The following GRM5 variants were observed in gnomAD, a reference collection of about 807,000 sequenced individuals.
GRM5 encodes the protein metabotropic glutamate receptor 5.
In GRM5, 19 loss-of-function variants were observed where a neutral mutation model predicts 83.1. The ratio of observed to expected loss-of-function variants is 0.23; its 90% confidence interval spans 0.16 to 0.34. The LOEUF (loss-of-function observed/expected upper bound fraction) is 0.34. GRM5 is among the 10% of genes least tolerant of loss of function. The probability of loss-of-function intolerance (pLI) is 1.00; values close to 1 mark genes in which losing one functional copy is unlikely to be tolerated. For synonymous variants in GRM5, 675 were observed against 633.6 expected, an observed-to-expected ratio of 1.07 and a Z score of -0.98; for missense variants, 1,160 against 1,588.3, an observed-to-expected ratio of 0.73 and a Z score of 4.58.
intron 2 of GRM5, among the ~76,000 whole-genome samples, chr11:88,934,309 A>T (rs1167857856): frequency 6.6e-6 from 1 of 151,834 alleles, no homozygotes; most frequent in Non-Finnish European, 1.5e-5. Context: ...TAACCTAACA[A>T]GGTTAATAAC....
intron 3 of GRM5, among the ~76,000 whole-genome samples, chr11:88,762,325 C>G (rs542334269): frequency 2.4e-4 from 36 of 152,028 alleles, no homozygotes; most frequent in African/African-American, 8.7e-4. Flanking sequence ...CTATAAGGAA[C>G]TTAAATCTAC....
chr11:88,815,011 C>G (rs1485614910), intron 3 of GRM5, among the ~76,000 whole-genome samples: 1 of 152,150 alleles, frequency 6.6e-6, no homozygotes, highest in East Asian at 1.9e-4. Context: ...CTCTCAATAA[C>G]TTGACAAAAC....
At chr11:88,765,835 G>T (rs2135443765) in intron 3 of GRM5, among the ~76,000 whole-genome samples, 1 of 151,860 alleles carries the variant, frequency 6.6e-6, no homozygotes, top group Non-Finnish European at 1.5e-5. Context: ...ACAAAAAATA[G>T]ACAAATTTGA....
chr11:88,923,616 A>C (rs1196189850), intron 2 of GRM5, among the ~76,000 whole-genome samples: 2 of 152,074 alleles, frequency 1.3e-5, no homozygotes, highest in African/African-American at 4.8e-5. Context: ...AGATAGAATG[A>C]ATAATATCTA....
At chr11:88,884,140 T>C (rs1387719487) in intron 2 of GRM5, among the ~76,000 whole-genome samples, 2 of 152,086 alleles carry the variant, frequency 1.3e-5, no homozygotes, top group Non-Finnish European at 2.9e-5. Flanking sequence ...AAGCCACAGA[T>C]ACTCAATGCC....
chr11:88,729,654 C>A (rs1286090464), intron 3 of GRM5, among the ~76,000 whole-genome samples: 1 of 152,146 alleles, frequency 6.6e-6, no homozygotes, highest in African/African-American at 2.4e-5. Flanking sequence ...AACCAAAACG[C>A]ATGGTACTGG....
chr11:88,598,668 A>T (rs1937888968), intron 5 of GRM5, among the ~76,000 whole-genome samples: 1 of 152,172 alleles, frequency 6.6e-6, no homozygotes. Context: ...AGGTAAAAAG[A>T]ACTCACGTAT....
intron 2 of GRM5, among the ~76,000 whole-genome samples, chr11:88,896,198 C>A (rs1313664404): frequency 6.6e-6 from 1 of 151,786 alleles, no homozygotes; most frequent in Admixed American, 6.6e-5. Flanking sequence ...AGGCTCAAAT[C>A]TAAGTTTGCC....
intron 1 of GRM5, among the ~76,000 whole-genome samples, chr11:89,052,280 G>A (rs985783277): frequency 4.6e-5 from 7 of 152,070 alleles, no homozygotes; most frequent in African/African-American, 7.2e-5. Flanking sequence ...GCATGAAATC[G>A]CCTGGAGAGG....
chr11:89,012,387 C>A (rs12420474), intron 2 of GRM5, among the ~76,000 whole-genome samples: 50 of 152,246 alleles, frequency 3.3e-4, no homozygotes, highest in African/African-American at 1.2e-3. Flanking sequence ...AGCATCCTGG[C>A]CTAATCCAGC....
chr11:88,731,699 C>A (rs753625346), intron 3 of GRM5, among the ~76,000 whole-genome samples: 33 of 151,828 alleles, frequency 2.2e-4, no homozygotes, highest in Non-Finnish European at 1.5e-5. Context: ...AGCCACCTGA[C>A]CTATATTTAC....
At chr11:88,994,269 A>G (rs1478852038) in intron 2 of GRM5, among the ~76,000 whole-genome samples, 3 of 151,580 alleles carry the variant, frequency 2.0e-5, no homozygotes, top group Admixed American at 6.6e-5. Flanking sequence ...GAGTTCATGG[A>G]TTAGAAGAAT....
rs1366405192 is a variant in GRM5, at chr11:88,647,193, C to G, written c.1147+5975G>C. 1.6e-4 allele frequency among the ~76,000 whole-genome samples: 24 copies of G among 152,070 alleles called. 1 individual carries two copies. Among genetic ancestry groups the G allele is most frequent in the Admixed American group, 1.6e-3 (24 of 15,232 alleles). On this transcript the variant is annotated intron_variant, in intron 4 of 9. Transcript: ENST00000305447. ...ACATCTATCATACCGAATTAGGGGC[C>G]TACCCTACTACAGTATGACTTCATC... is the stretch of plus-strand genomic sequence containing the variant.
chr11:88,863,460 AG>A, intron 2 of GRM5, among the ~76,000 whole-genome samples: 1 of 152,144 alleles, frequency 6.6e-6, no homozygotes, highest in Admixed American at 6.6e-5. Context: ...TGTCCTTTGC[AG>A]GGACATGGAC....
intron 3 of GRM5, among the ~76,000 whole-genome samples, chr11:88,832,591 T>A (rs1185199869): frequency 6.6e-6 from 1 of 151,658 alleles, no homozygotes; most frequent in Non-Finnish European, 1.5e-5. Context: ...CCAATAATAT[T>A]CTTCACAGAA....
intron 7 of GRM5, among the ~76,000 whole-genome samples, chr11:88,586,284 C>T (rs1260418835): frequency 1.3e-5 from 2 of 152,092 alleles, no homozygotes; most frequent in African/African-American, 4.8e-5. Context: ...ACATTAATGT[C>T]AGTTGATTGC....
intron 1 of GRM5, among the ~76,000 whole-genome samples, chr11:89,055,972 G>T (rs185246956): frequency 1.3e-4 from 20 of 152,106 alleles, no homozygotes; most frequent in African/African-American, 4.8e-4. Flanking sequence ...CAAGCAAGTG[G>T]GTAGTACCAG....
At chr11:88,902,129 G>A (rs1945322951) in intron 2 of GRM5, among the ~76,000 whole-genome samples, 1 of 151,706 alleles carries the variant, frequency 6.6e-6, no homozygotes, top group Non-Finnish European at 1.5e-5. Context: ...GCTGCAGACT[G>A]CCTAAGGGCA....
intron 4 of GRM5, among the ~76,000 whole-genome samples, chr11:88,646,608 G>A (rs1409765730): frequency 7.1e-6 from 1 of 139,920 alleles, no homozygotes; most frequent in African/African-American, 2.5e-5. Flanking sequence ...AAAGAGTAGA[G>A]GAAGAACTGG....
Sources: allele counts gnomAD v4.1 joint callset (sites outside exome capture counted in the v4.1 genomes callset), GRCh38; gene constraint gnomAD v4.1.1; transcripts MANE v1.5; gene names NCBI Gene and HGNC (gene_info 2026-07-23, HGNC 2026-07-21).